The following SMC5 variants were observed in gnomAD, a reference collection of about 807,000 sequenced individuals.
SMC5 encodes structural maintenance of chromosomes protein 5.
In SMC5, 88 loss-of-function variants were observed where a neutral mutation model predicts 148.3. The ratio of observed to expected loss-of-function variants is 0.59; its 90% confidence interval spans 0.50 to 0.71. The LOEUF is 0.71. Among genes scored for constraint, SMC5 ranks in the 30% least tolerant of loss-of-function variants. The pLI is 0.00. For synonymous variants in SMC5, 421 were observed against 432.8 expected (o/e 0.97, Z 0.34); for missense variants, 1,142 against 1,298.9 (o/e 0.88, Z 1.86).
At chr9:70,338,272 A>G (rs192175951) in intron 17 of SMC5, among the ~76,000 whole-genome samples, 165 of 152,282 alleles carry the variant, frequency 1.1e-3, no homozygotes, top group Non-Finnish European at 2.0e-3. Flanking sequence ...CGGCCTCCCA[A>G]AGTACTGGGA....
chr9:70,321,394 C>CTTT (rs11390673), intron 15 of SMC5, among the ~76,000 whole-genome samples: 51 of 135,928 alleles, frequency 3.8e-4, no homozygotes, highest in East Asian at 1.3e-3. Flanking sequence ...TGTCAAATGT[C>CTTT]TTTTTTTTTT....
intron 16 of SMC5, 85 bp downstream of exon 16, chr9:70,323,691 T>G: frequency 5.4e-6 from 7 of 1,307,226 alleles, no homozygotes; most frequent in African/African-American, 1.5e-5. Flanking sequence ...GAGGGAAGGT[T>G]TTGATTAAGG....
chr9:70,348,726 G>A (rs999111203), intron 22 of SMC5, among the ~76,000 whole-genome samples: 2 of 152,042 alleles, frequency 1.3e-5, no homozygotes, highest in Non-Finnish European at 2.9e-5. Flanking sequence ...TATAAGAATG[G>A]AAATAGTGGG....
intron 8 of SMC5, among the ~76,000 whole-genome samples, chr9:70,286,953 G>C (rs1027777899): frequency 7.9e-5 from 12 of 152,162 alleles, no homozygotes; most frequent in African/African-American, 2.7e-4. Flanking sequence ...CTGAGCTCAA[G>C]CTATCCACCT....
At chr9:70,347,540 A>T in intron 20 of SMC5, 73 bp from the exon 21 acceptor site, 1 of 772,622 alleles carries the variant, frequency 1.3e-6, no homozygotes, top group Non-Finnish European at 2.1e-6. Flanking sequence ...TAATGTTTTA[A>T]TCAATGCAAA....
chr9:70,301,865 T>TA (rs1002449252), intron 10 of SMC5, among the ~76,000 whole-genome samples: 7 of 152,296 alleles, frequency 4.6e-5, no homozygotes, highest in African/African-American at 1.7e-4. Context: ...AAATTTTGTT[T>TA]AAAAAATCAT....
At chr9:70,324,380 TG>T (rs2036024210) in intron 17 of SMC5, among the ~76,000 whole-genome samples, 1 of 152,156 alleles carries the variant, frequency 6.6e-6, no homozygotes, top group African/African-American at 2.4e-5. Flanking sequence ...ACAGAAATAC[TG>T]GGTGGAGGGG....
At chr9:70,282,790 T>C (rs888704446) in intron 7 of SMC5, among the ~76,000 whole-genome samples, 11 of 152,124 alleles carry the variant, frequency 7.2e-5, no homozygotes, top group African/African-American at 2.2e-4. Flanking sequence ...TTCCAAGATA[T>C]AAAGAGAGAA....
At position 70,353,319 on chromosome 9, in the gene SMC5, G is replaced by A. The variant is rs574756371; in HGVS notation, c.*988G>A. The A allele has an allele frequency of 6.6e-6, 1 of 152,172 alleles. No individual in the cohort carries two copies. The highest frequency in any genetic ancestry group is 6.5e-5 in the Admixed American group (1 of 15,278). 9.4% of individuals were successfully genotyped at this position (152,172 alleles called of 1,614,324 possible). A position where few individuals can be genotyped will look rare whatever the true frequency, so the allele number is the denominator to read the frequency against. ...CCTATAGGGCCTTTCTTACAATGTT[G>A]ATGTACCCATTATCTTAGAAAATCT... On this transcript the variant is annotated 3_prime_UTR_variant, in exon 25 of 25. Coordinates refer to ENST00000361138, the MANE Select transcript of SMC5 (RefSeq NM_015110.4).
At chr9:70,262,214 GGAA>G (rs1399131751) in intron 1 of SMC5, among the ~76,000 whole-genome samples, 3 of 152,078 alleles carry the variant, frequency 2.0e-5, no homozygotes, top group Non-Finnish European at 4.4e-5. Context: ...GGAGGCTGAA[GGAA>G]TAACATGTGC....
chr9:70,323,373 A>G, intron 15 of SMC5, 110 bp from the exon 16 acceptor site: 1 of 1,050,596 alleles, frequency 9.5e-7, no homozygotes, highest in South Asian at 1.9e-5. Context: ...GGCACTATAT[A>G]TCTGAAAAGT....
chr9:70,334,706 G>T (rs2118742780), intron 17 of SMC5, among the ~76,000 whole-genome samples: 1 of 152,232 alleles, frequency 6.6e-6, no homozygotes, highest in South Asian at 2.1e-4. Context: ...GGCCTTTAAA[G>T]TTTGCTGACC....
intron 17 of SMC5, among the ~76,000 whole-genome samples, chr9:70,343,123 A>G (rs1223433278): frequency 6.6e-6 from 1 of 151,610 alleles, no homozygotes; most frequent in East Asian, 1.9e-4. Context: ...GGGCTTGGGC[A>G]AGTTACTTAA....
At position 70,344,287 on chromosome 9, in the gene SMC5, A is replaced by T. The variant is rs758794989; in HGVS notation, c.2523+18A>T. The T allele has an allele frequency of 2.1e-6, 3 of 1,415,312 alleles. No homozygotes were observed. The highest frequency in any genetic ancestry group is 2.8e-6 in the Non-Finnish European group (3 of 1,076,208). 87.7% of individuals were successfully genotyped at this position (1,415,312 alleles called of 1,614,324 possible). A position where few individuals can be genotyped will look rare whatever the true frequency, so the allele number is the denominator to read the frequency against. On this transcript the variant is annotated intron_variant, in intron 18 of 24. Transcript: ENST00000361138. ...ACCAGACAGTAAGTATAAAAAGTAT[A>T]TAATGCTACAATTGCCATATTTAAC...
chr9:70,267,924 T>C lies in SMC5; in HGVS notation c.329T>C (p.Val110Ala), dbSNP rs756077543. 1.7e-5 allele frequency: 28 copies of C among 1,612,764 alleles called. No individual in the cohort carries two copies. The East Asian group carries it at 3.8e-4, about 22-fold the overall frequency. The change falls in exon 3 of 25, where the codon GTT (valine) becomes GCT (alanine). Residue 110 changes from valine to alanine, a missense_variant and splice_region_variant. Transcript: ENST00000361138. ...KPAFMGRADK[V>A]GFFVKRGCSR... Reference sequence around the variant, plus strand: ...CACTTTTTCTTTTTTATGTCTTAGGTTGGGTTTTTTGTGAAGAGAGGATGT... The same window carrying C: ...CACTTTTTCTTTTTTATGTCTTAGGCTGGGTTTTTTGTGAAGAGAGGATGT...
In SMC5 at chr9:70,304,706, G is replaced by A. The variant is rs374318974; in HGVS notation, c.1465-541G>A. 4.6e-5 allele frequency among the ~76,000 whole-genome samples: 7 copies of A among 151,910 alleles called. No individual in the cohort carries two copies. In the East Asian group the frequency reaches 1.2e-3, roughly 25 times the overall value. Reference sequence around the variant, plus strand: ...TCTCAAAAAAATAAAAAAGAGAAAAGTAAAAATAGATCAATAAGATTATGT... The same window carrying A: ...TCTCAAAAAAATAAAAAAGAGAAAAATAAAAATAGATCAATAAGATTATGT... On this transcript the variant is annotated intron_variant, in intron 10 of 24. Transcript: ENST00000361138.
At chr9:70,347,791 G>A (rs2036706352) in intron 21 of SMC5, 74 bp downstream of exon 21, 1 of 1,254,400 alleles carries the variant, frequency 8.0e-7, no homozygotes, top group Non-Finnish European at 1.1e-6. Flanking sequence ...TGGAAAATGA[G>A]ATGACATGCT....
In SMC5 at chr9:70,315,509, C is replaced by T; in HGVS notation, c.1737C>T (p.Tyr579=). The T allele has an allele frequency of 6.3e-7, 1 of 1,598,248 alleles. No homozygotes were observed. The highest frequency in any genetic ancestry group is 8.5e-7 in the Non-Finnish European group (1 of 1,170,518). The change falls in exon 13 of 25, where the codon TAC becomes TAT. Residue 579 remains tyrosine (Y), a synonymous_variant. Transcript: ENST00000361138. ...LFDAPDPVMS[Y]LCCQYHIHEV... ...ATGCACCTGATCCTGTAATGAGTTACCTTTGCTGTCAGTATCATATTCATG... is the reference window on the plus strand; with the variant it reads ...ATGCACCTGATCCTGTAATGAGTTATCTTTGCTGTCAGTATCATATTCATG...
intron 8 of SMC5, among the ~76,000 whole-genome samples, chr9:70,295,781 G>A (rs1337694584): frequency 2.0e-5 from 3 of 152,216 alleles, no homozygotes; most frequent in Non-Finnish European, 4.4e-5. Flanking sequence ...TGGTAGGCCA[G>A]TGATTTTCAG....
Sources: gnomAD v4.1 joint callset for allele counts (sites outside exome capture counted in the v4.1 genomes callset) on GRCh38, gnomAD v4.1.1 for gene constraint, MANE v1.5 for transcripts, NCBI Gene and HGNC (gene_info 2026-07-23, HGNC 2026-07-21) for gene names.